The following GABRB2 variants were observed in gnomAD, a reference collection of about 807,000 sequenced individuals.
GABRB2 encodes gamma-aminobutyric acid type A receptor subunit beta2, also known as gamma-aminobutyric acid receptor subunit beta-2.
In GABRB2, 16 loss-of-function variants were observed where a neutral mutation model predicts 54.7. The ratio of observed to expected loss-of-function variants is 0.29; its 90% CI spans 0.20 to 0.44. GABRB2 has a LOEUF of 0.44. GABRB2 is among the 20% of genes least tolerant of loss of function. The pLI is 1.00. For synonymous variants in GABRB2, 244 were observed against 233.8 expected, an observed-to-expected ratio of 1.04 and a Z score of -0.40; for missense variants, 355 against 644.0, an observed-to-expected ratio of 0.55 and a Z score of 4.86.
intron 9 of GABRB2, among the ~76,000 whole-genome samples, chr5:161,308,323 C>T (rs1191101753): frequency 2.0e-5 from 3 of 152,018 alleles, no homozygotes; most frequent in Admixed American, 6.6e-5. Flanking sequence ...AAGATTGGTT[C>T]AGGAATGGGA....
intron 5 of GABRB2, among the ~76,000 whole-genome samples, chr5:161,372,864 C>T (rs925413280): frequency 5.3e-5 from 8 of 152,160 alleles, no homozygotes; most frequent in Non-Finnish European, 1.0e-4. Context: ...AGCCTGCATT[C>T]CTCTCTGCTA....
intron 3 of GABRB2, among the ~76,000 whole-genome samples, chr5:161,525,160 G>A (rs1343646795): frequency 6.6e-6 from 1 of 151,078 alleles, no homozygotes; most frequent in Non-Finnish European, 1.5e-5. Flanking sequence ...GTAACCTAAT[G>A]GATACAAGTG....
At chr5:161,412,078 A>G (rs1406984965) in intron 4 of GABRB2, among the ~76,000 whole-genome samples, 1 of 152,162 alleles carries the variant, frequency 6.6e-6, no homozygotes, top group Non-Finnish European at 1.5e-5. Flanking sequence ...TGTGTTGGGA[A>G]CACAGAAGTA....
intron 3 of GABRB2, among the ~76,000 whole-genome samples, chr5:161,499,115 C>T (rs1759351046): frequency 6.6e-6 from 1 of 152,120 alleles, no homozygotes; most frequent in African/African-American, 2.4e-5. Context: ...CATTGGCCCC[C>T]TGGACCCACT....
intron 4 of GABRB2, among the ~76,000 whole-genome samples, chr5:161,427,220 A>C (rs767652796): frequency 6.6e-6 from 1 of 152,154 alleles, no homozygotes; most frequent in Non-Finnish European, 1.5e-5. Context: ...AACAGATGTA[A>C]TAACAGTCTC....
At chr5:161,325,650 G>T (rs114656500) in intron 9 of GABRB2, among the ~76,000 whole-genome samples, 60 of 152,194 alleles carry the variant, frequency 3.9e-4, no homozygotes, top group African/African-American at 1.3e-3. Flanking sequence ...GTAGATGATA[G>T]GGTGGAATGG....
chr5:161,383,724 C>T (rs1353786519), intron 5 of GABRB2, among the ~76,000 whole-genome samples: 2 of 152,198 alleles, frequency 1.3e-5, no homozygotes, highest in East Asian at 3.9e-4. Context: ...ATCCAACCCT[C>T]TTCCCCCACC....
At chr5:161,462,446 C>T (rs930214992) in intron 3 of GABRB2, among the ~76,000 whole-genome samples, 7 of 152,054 alleles carry the variant, frequency 4.6e-5, no homozygotes, top group East Asian at 1.9e-4. Context: ...CTAGAAAGAA[C>T]GCATTTAGTG....
chr5:161,355,229 G>A (rs1034814029), intron 5 of GABRB2, among the ~76,000 whole-genome samples: 2 of 150,768 alleles, frequency 1.3e-5, no homozygotes, highest in Non-Finnish European at 3.0e-5. Flanking sequence ...GAACTAGAAT[G>A]TAAATTCCTA....
At chr5:161,358,800 A>C (rs1754716567) in intron 5 of GABRB2, among the ~76,000 whole-genome samples, 1 of 152,018 alleles carries the variant, frequency 6.6e-6, no homozygotes, top group Admixed American at 6.6e-5. Context: ...AAGTAAGGAG[A>C]GAGGGGAGAA....
chr5:161,442,708 T>C (rs1049865333), intron 4 of GABRB2, among the ~76,000 whole-genome samples: 1 of 152,172 alleles, frequency 6.6e-6, no homozygotes, highest in African/African-American at 2.4e-5. Context: ...ACACTCAATC[T>C]GCTTTACCCT....
chr5:161,314,014 G>T (rs1418251446), intron 9 of GABRB2, among the ~76,000 whole-genome samples: 1 of 152,236 alleles, frequency 6.6e-6, no homozygotes, highest in African/African-American at 2.4e-5. Flanking sequence ...ACTGCAGCTG[G>T]CTGCATCAGG....
intron 5 of GABRB2, among the ~76,000 whole-genome samples, chr5:161,367,235 A>G (rs925894291): frequency 6.6e-6 from 1 of 152,224 alleles, no homozygotes; most frequent in African/African-American, 2.4e-5. Flanking sequence ...TTTTAAAACT[A>G]TTTCAAATTG....
chr5:161,310,907 T>C (rs552399006), intron 9 of GABRB2, among the ~76,000 whole-genome samples: 1 of 152,080 alleles, frequency 6.6e-6, no homozygotes, highest in East Asian at 1.9e-4. Flanking sequence ...ATTACAGGCG[T>C]CCACCACCAC....
At chr5:161,359,823 T>C (rs2910301) in intron 5 of GABRB2, among the ~76,000 whole-genome samples, 152,330 of 152,330 alleles carry the variant, frequency 1, 76,165 homozygotes, top group Non-Finnish European at 1. Flanking sequence ...TGGCTCATGC[T>C]TGTAATCCCA....
intron 4 of GABRB2, among the ~76,000 whole-genome samples, chr5:161,427,156 A>C (rs939581283): frequency 2.6e-5 from 4 of 152,198 alleles, no homozygotes; most frequent in Non-Finnish European, 5.9e-5. Flanking sequence ...TCTGAAAATT[A>C]GTTGTTTGAC....
At chr5:161,394,394 G>C (rs2113052307) in intron 5 of GABRB2, among the ~76,000 whole-genome samples, 1 of 152,044 alleles carries the variant, frequency 6.6e-6, no homozygotes, top group East Asian at 1.9e-4. Context: ...CTAGAAAATA[G>C]AGAAAACTAA....
chr5:161,536,427 C>T (rs752008208), intron 3 of GABRB2, among the ~76,000 whole-genome samples: 4 of 152,130 alleles, frequency 2.6e-5, no homozygotes, highest in Non-Finnish European at 5.9e-5. Flanking sequence ...CCACTTTATG[C>T]TTCCTGAGTG....
intron 8 of GABRB2, chr5:161,329,463 T>C (rs1238441529): frequency 2.0e-5 from 3 of 152,186 alleles, no homozygotes; most frequent in Non-Finnish European, 1.5e-5. Context: ...AAAATTTGCA[T>C]TGTTGCAAAT....
Sources: allele counts gnomAD v4.1 joint callset (sites outside exome capture counted in the v4.1 genomes callset), GRCh38; gene constraint gnomAD v4.1.1; transcripts MANE v1.5; gene names NCBI Gene and HGNC (gene_info 2026-07-23, HGNC 2026-07-21).